Variants in ZNF813 observed in about 807,000 individuals in gnomAD.
ZNF813 encodes the protein zinc finger protein 813.
In ZNF813, 3 loss-of-function variants were observed where a neutral mutation model predicts 7.2. The ratio of observed to expected loss-of-function variants is 0.42; its 90% CI spans 0.19 to 1.08. ZNF813 has a LOEUF of 1.08. Among genes scored for constraint, ZNF813 ranks in the 50% least tolerant of loss-of-function variants. ZNF813 has a pLI of 0.30. For missense variants in ZNF813, 714 were observed against 753.3 expected (o/e 0.95, Z 0.61); for synonymous variants, 227 against 256.3 (o/e 0.89, Z 1.09).
Position 53,492,498 on chromosome 19 carries a change from C to T in ZNF813, c.*412C>T. 6.5e-6 allele frequency: 3 copies of T among 460,722 alleles called. No individual in the cohort carries two copies. Among genetic ancestry groups the T allele is most frequent in the Middle Eastern group, 7.2e-4 (2 of 2,762 alleles). 28.5% of individuals were successfully genotyped at this position (460,722 alleles called of 1,614,324 possible). On this transcript the variant is annotated 3_prime_UTR_variant, in exon 4 of 4. Transcript: ENST00000396403. ...CGTGACAAGGCTTTCGGGCATGACT[C>T]ACACCTGGCACAACATCCTAGAATT...
intron 2 of ZNF813, 55 bp from the exon 3 acceptor site, chr19:53,486,577 G>A (rs1311357469): frequency 1.5e-5 from 25 of 1,613,150 alleles, no homozygotes; most frequent in Non-Finnish European, 2.1e-5. Context: ...CTCATTTTCT[G>A]TGAAGATAAG....
chr19:53,482,732 T>G (rs1004198734), intron 1 of ZNF813, among the ~76,000 whole-genome samples: 33 of 138,890 alleles, frequency 2.4e-4, no homozygotes, highest in Non-Finnish European at 2.9e-4. Flanking sequence ...TTTTTTTTTT[T>G]TTTTTTTGAG....
rs201135748 is a variant in ZNF813 at position 53,490,558 on chromosome 19, A to T, written c.326A>T (p.His109Leu). 1.2e-6 allele frequency: 2 copies of T among 1,614,236 alleles called. No individual in the cohort carries two copies. Among genetic ancestry groups the T allele is most frequent in the Non-Finnish European group, 1.7e-6 (2 of 1,180,044 alleles). ...TGGCAAGAAGATGAAAGAAATAGCC[A>T]TGAAGCACCCATGACAGAAATCAAA... ...FQWQEDERNSHEAPMTEIKKL... is the reference protein window; with the variant it reads ...FQWQEDERNSLEAPMTEIKKL... Residue 109 changes from histidine (H) to leucine (L), a missense_variant, in exon 4 of 4, where the codon CAT becomes CTT. His to Leu is a moderately conservative substitution (Grantham distance 99, BLOSUM62 -3). Transcript: ENST00000396403.
Position 53,492,810 on chromosome 19 carries a change from C to T in ZNF813, c.*724C>T. On this transcript the variant is annotated 3_prime_UTR_variant, in exon 4 of 4. Transcript: ENST00000396403. ...AACCTTATAAATGTCATGATTGAGG[C>T]AAGGTCTTCAGTCAAGCTTCATCCT... The T allele has an allele frequency of 2.0e-6, 1 of 493,444 alleles. No individual in the cohort carries two copies. 30.6% of individuals were successfully genotyped at this position (493,444 alleles called of 1,614,324 possible). A position where few individuals can be genotyped will look rare whatever the true frequency, so the allele number is the denominator to read the frequency against.
intron 2 of ZNF813, among the ~76,000 whole-genome samples, 169 bp from the exon 3 acceptor site, chr19:53,486,460 GCAT>G (rs2086434471): frequency 7.2e-6 from 1 of 138,630 alleles, no homozygotes; most frequent in Non-Finnish European, 1.6e-5. Flanking sequence ...AAAAAAAAAA[GCAT>G]AATAAAACAC....
chr19:53,471,890 C>G (rs969389204), intron 1 of ZNF813, among the ~76,000 whole-genome samples: 12 of 151,182 alleles, frequency 7.9e-5, no homozygotes, highest in Admixed American at 4.0e-4. Context: ...GACATTAACT[C>G]TTTTGCTTCT....
chr19:53,487,924 T>A (rs1478931890), intron 3 of ZNF813, among the ~76,000 whole-genome samples: 1 of 152,222 alleles, frequency 6.6e-6, no homozygotes, highest in Non-Finnish European at 1.5e-5. Context: ...TGTGTTTTCA[T>A]GCTTTTTTTC....
chr19:53,483,904 G>A, intron 2 of ZNF813, 67 bp downstream of exon 2: 4 of 1,612,930 alleles, frequency 2.5e-6, no homozygotes, highest in Non-Finnish European at 3.4e-6. Flanking sequence ...CTTGGAGTTG[G>A]GAATCTTCTC....
chr19:53,495,989 G>A lies in ZNF813; in HGVS notation c.*3903G>A. 1 of 379,516 alleles carries A rather than the reference G, an allele frequency of 2.6e-6. No homozygotes were observed. Among genetic ancestry groups the A allele is most frequent in the South Asian group, 2.3e-5 (1 of 42,648 alleles). 23.5% of individuals were successfully genotyped at this position (379,516 alleles called of 1,614,324 possible). ...AGATCAAAACTGGTAATAAAATCAG[G>A]TACGACTCCAAAAGGAGACATTGGA... On this transcript the variant is annotated 3_prime_UTR_variant, in exon 4 of 4. Coordinates refer to ENST00000396403, the MANE Select transcript of ZNF813 (RefSeq NM_001004301.4).
At position 53,483,801 on chromosome 19, in the gene ZNF813, G is replaced by A; in HGVS notation, c.-22G>A. 2 of 1,613,334 alleles carry A rather than the reference G, an allele frequency of 1.2e-6. No homozygotes were observed. Among genetic ancestry groups the A allele is most frequent in the African/African-American group, 1.3e-5 (1 of 75,056 alleles). On this transcript the variant is annotated 5_prime_UTR_variant, in exon 2 of 4. Transcript: ENST00000396403. ...GTGAGGAAGAAACCTGGAAGAGGAA[G>A]AGGAAAGCAAAGGAGTCAGGGATGG...
At chr19:53,479,273 A>G (rs2086396154) in intron 1 of ZNF813, 1 of 1,412,672 alleles carries the variant, frequency 7.1e-7, no homozygotes, top group Non-Finnish European at 9.7e-7. Flanking sequence ...CTTTTAATAC[A>G]TAATCATGGA....
chr19:53,492,479 A>G lies in ZNF813; in HGVS notation c.*393A>G. 2.3e-6 allele frequency: 1 copy of G among 438,652 alleles called. No homozygotes were observed. The highest frequency in any genetic ancestry group is 5.7e-5 in the East Asian group (1 of 17,458). 27.2% of individuals were successfully genotyped at this position (438,652 alleles called of 1,614,324 possible). On this transcript the variant is annotated 3_prime_UTR_variant, in exon 4 of 4. Transcript: ENST00000396403. ...CCATAAAATTGTAAGAGTTCGTGAC[A>G]AGGCTTTCGGGCATGACTCACACCT...
At chr19:53,480,461 T>C (rs1438327142) in intron 1 of ZNF813, among the ~76,000 whole-genome samples, 1 of 152,164 alleles carries the variant, frequency 6.6e-6, no homozygotes, top group African/African-American at 2.4e-5. Flanking sequence ...TTCCCAGTTA[T>C]TTACCTGTTG....
rs376405739 is a variant in ZNF813 at position 53,490,844 on chromosome 19, A to G, written c.612A>G (p.Gln204=). The change falls in exon 4 of 4, where the codon CAA becomes CAG. Residue 204 remains glutamine, a synonymous_variant. Transcript: ENST00000396403. The part of the protein sequence containing the change: ...NNFRNSSLLT[Q]KQEVHMREKS... The stretch of plus-strand genomic sequence containing the variant: ...TCCGGAATTCTTCGTTACTCACACA[A>G]AAACAGGAGGTACACATGAGAGAAA... 11 of 1,614,108 alleles carry G rather than the reference A, an allele frequency of 6.8e-6. No homozygotes were observed. In the African/African-American group the frequency reaches 1.3e-4, roughly 20 times the overall value.
chr19:53,479,226 C>T (rs1030236160), intron 1 of ZNF813: 9 of 953,230 alleles, frequency 9.4e-6, no homozygotes, highest in African/African-American at 6.5e-5. Context: ...TGAGCAACCA[C>T]GCCCAGCTGA....
intron 1 of ZNF813, 107 bp downstream of exon 1, chr19:53,467,896 C>G (rs1222180656): frequency 6.6e-6 from 1 of 152,650 alleles, no homozygotes; most frequent in Non-Finnish European, 1.5e-5. Context: ...AGCCGTCTTC[C>G]TTCACCCAGA....
rs1172505770 is a variant in ZNF813 at position 53,486,707 on chromosome 19, A to T, written c.91A>T (p.Thr31Ser). The change falls in exon 3 of 4, where the codon ACT becomes TCT. Residue 31 changes from threonine to serine, a missense_variant. Thr to Ser is a moderately conservative substitution (Grantham distance 58). Coordinates refer to ENST00000396403, the MANE Select transcript of ZNF813 (RefSeq NM_001004301.4). ...EWKCLDPAQRTLYRDVMLENY... is the reference protein window; with the variant it reads ...EWKCLDPAQRSLYRDVMLENY... ...GAAATGCCTGGACCCTGCTCAGAGGACTCTATACAGGGACGTGATGCTGGA... is the reference window on the plus strand; with the variant it reads ...GAAATGCCTGGACCCTGCTCAGAGGTCTCTATACAGGGACGTGATGCTGGA... The T allele has an allele frequency of 6.2e-7, 1 of 1,613,890 alleles. No homozygotes were observed. Among genetic ancestry groups the T allele is most frequent in the Non-Finnish European group, 8.5e-7 (1 of 1,179,964 alleles).
intron 2 of ZNF813, among the ~76,000 whole-genome samples, chr19:53,486,399 A>G (rs920155252): frequency 1.3e-5 from 2 of 150,716 alleles, no homozygotes; most frequent in African/African-American, 4.9e-5. Flanking sequence ...GTGAGTGGAG[A>G]CTGTGCCATT....
chr19:53,473,837 C>A (rs1349495245), intron 1 of ZNF813, among the ~76,000 whole-genome samples: 1 of 152,158 alleles, frequency 6.6e-6, no homozygotes, highest in Non-Finnish European at 1.5e-5. Context: ...AACGAACTCT[C>A]ATAAGGTGAA....
Sources: gnomAD v4.1 joint callset for allele counts (sites outside exome capture counted in the v4.1 genomes callset) on GRCh38, gnomAD v4.1.1 for gene constraint, MANE v1.5 for transcripts, NCBI Gene and HGNC (gene_info 2026-07-23, HGNC 2026-07-21) for gene names.